Variants in WDPCP observed in about 807,000 individuals in gnomAD.
WDPCP encodes the protein WD repeat-containing and planar cell polarity effector protein fritz homolog.
WDPCP carries 71 observed loss-of-function variants against 93.1 expected under a neutral mutation model. The observed-to-expected ratio is 0.76, with a 90% CI of 0.63 to 0.93. The LOEUF is 0.93. WDPCP is among the 40% of genes least tolerant of loss of function. The pLI is 0.00. For missense variants in WDPCP, 844 were observed against 887.4 expected, an observed-to-expected ratio of 0.95 and a Z score of 0.62; for synonymous variants, 315 against 315.0, an observed-to-expected ratio of 1.00 and a Z score of 0.00.
At chr2:63,216,522 A>T (rs998723888) in intron 14 of WDPCP, among the ~76,000 whole-genome samples, 5 of 152,114 alleles carry the variant, frequency 3.3e-5, no homozygotes, top group African/African-American at 1.2e-4. Context: ...GAACACTTGG[A>T]CACAGGATGG....
At chr2:63,208,135 A>C (rs1428462175) in intron 14 of WDPCP, among the ~76,000 whole-genome samples, 1 of 152,120 alleles carries the variant, frequency 6.6e-6, no homozygotes, top group Admixed American at 6.5e-5. Flanking sequence ...ACTGTATTTA[A>C]GATTATTTTA....
intron 2 of WDPCP, among the ~76,000 whole-genome samples, chr2:63,809,069 C>T (rs1670818449): frequency 1.3e-5 from 2 of 151,628 alleles, no homozygotes; most frequent in African/African-American, 4.9e-5. Flanking sequence ...CTCTGACCGG[C>T]CGCCCCGTCT....
At chr2:63,787,296 G>A (rs893822767) in intron 2 of WDPCP, among the ~76,000 whole-genome samples, 1 of 152,168 alleles carries the variant, frequency 6.6e-6, no homozygotes, top group African/African-American at 2.4e-5. Context: ...CAAGACAAAT[G>A]TTTCTTCTTT....
intron 2 of WDPCP, among the ~76,000 whole-genome samples, chr2:63,729,038 C>T (rs1306618340): frequency 1.3e-5 from 2 of 152,106 alleles, no homozygotes; most frequent in African/African-American, 4.8e-5. Context: ...GGCCACTCCA[C>T]GTTATCCACA....
Position 63,185,398 on chromosome 2 carries a change from CT to C in WDPCP, c.1916-10567del, listed in dbSNP as rs200042254. Among the ~76,000 whole-genome samples, 831 of 151,982 alleles carry C rather than the reference CT, an allele frequency of 5.5e-3. 8 individuals carry two copies. The highest frequency in any genetic ancestry group is 0.019 in the African/African-American group (781 of 41,374). On this transcript the variant is annotated intron_variant, in intron 14 of 17. Transcript: ENST00000272321. ...TTGGGTTTGGACAGGACTTCCCCCC[CT>C]CTCCCCCACCCCCAAATCCTTGAGG... is the stretch of plus-strand genomic sequence containing the variant.
At chr2:63,240,065 A>T (rs1181638798) in intron 14 of WDPCP, among the ~76,000 whole-genome samples, 1 of 152,122 alleles carries the variant, frequency 6.6e-6, no homozygotes, top group Non-Finnish European at 1.5e-5. Flanking sequence ...ACTCTTCTGT[A>T]TCTTTATTTT....
chr2:63,563,796 G>A (rs1357669868), intron 1 of WDPCP, among the ~76,000 whole-genome samples: 2 of 152,104 alleles, frequency 1.3e-5, no homozygotes, highest in Non-Finnish European at 2.9e-5. Context: ...CACACAGCAA[G>A]AAGGACTTCA....
intron 17 of WDPCP, among the ~76,000 whole-genome samples, chr2:63,122,369 T>C (rs1056322009): frequency 2.0e-5 from 3 of 152,166 alleles, no homozygotes; most frequent in African/African-American, 7.2e-5. Flanking sequence ...GGTCATCATT[T>C]GGATTCTACA....
intron 17 of WDPCP, among the ~76,000 whole-genome samples, chr2:63,127,280 C>A (rs988264600): frequency 6.6e-6 from 1 of 151,884 alleles, no homozygotes; most frequent in Non-Finnish European, 1.5e-5. Context: ...AGCCGCCATA[C>A]CCAGCTAATT....
chr2:63,462,809 T>C (rs956253367), intron 6 of WDPCP, among the ~76,000 whole-genome samples: 2 of 152,182 alleles, frequency 1.3e-5, no homozygotes, highest in Non-Finnish European at 2.9e-5. Flanking sequence ...TTCTGGTTTC[T>C]ATAAATGGAT....
rs181643847 is a variant in WDPCP, at chr2:63,126,509, A to G, written c.2191-4453T>C. 1.5e-4 allele frequency among the ~76,000 whole-genome samples: 23 copies of G among 152,280 alleles called. No individual in the cohort carries two copies. The East Asian group carries it at 4.1e-3, about 27-fold the overall frequency. On this transcript the variant is annotated intron_variant, in intron 17 of 17. Coordinates refer to ENST00000272321, the MANE Select transcript of WDPCP (RefSeq NM_015910.7). ...AAAATTAGACTGAGACAGTTTGCTT[A>G]TAATACTGCATTCTTTCTGTTATAC...
intron 6 of WDPCP, among the ~76,000 whole-genome samples, chr2:63,450,675 C>G (rs1698180559): frequency 6.6e-6 from 1 of 152,144 alleles, no homozygotes; most frequent in African/African-American, 2.4e-5. Flanking sequence ...AGCAAAACTT[C>G]ACCATAGCCC....
At chr2:63,530,036 G>A (rs1423473481) in intron 1 of WDPCP, among the ~76,000 whole-genome samples, 4 of 152,040 alleles carry the variant, frequency 2.6e-5, no homozygotes, top group African/African-American at 4.8e-5. Flanking sequence ...CTGTGGGATC[G>A]GTGGTGATAG....
In WDPCP at chr2:63,433,814, C is replaced by A; in HGVS notation, c.756G>T (p.Trp252Cys). Residue 252 changes from tryptophan to cysteine, a missense_variant, in exon 9 of 18, where the codon TGG (tryptophan) becomes TGT (cysteine). By Grantham distance (215) the Trp-to-Cys change is radical. Transcript: ENST00000272321. ...WPLVNDDAWP[W>C]APISSEKDRA... ...TGTCCTTCTCAGAAGAAATGGGGGC[C>A]CAAGGCCAAGCATCATCGTTGACCA... The A allele has an allele frequency of 6.2e-7, 1 of 1,613,704 alleles. No homozygotes were observed. The highest frequency in any genetic ancestry group is 8.5e-7 in the Non-Finnish European group (1 of 1,179,856).
At chr2:63,505,596 G>A (rs1701820958) in intron 1 of WDPCP, among the ~76,000 whole-genome samples, 1 of 151,978 alleles carries the variant, frequency 6.6e-6, no homozygotes, top group Admixed American at 6.6e-5. Flanking sequence ...TTAAGACATA[G>A]AAGAGTAAAT....
intron 1 of WDPCP, among the ~76,000 whole-genome samples, chr2:63,553,070 A>T (rs1438813458): frequency 6.6e-6 from 1 of 152,228 alleles, no homozygotes; most frequent in South Asian, 2.1e-4. Flanking sequence ...CAACAGACTC[A>T]CTGACACTTG....
chr2:63,190,012 A>G (rs1674920542), intron 14 of WDPCP, among the ~76,000 whole-genome samples: 1 of 152,220 alleles, frequency 6.6e-6, no homozygotes, highest in Admixed American at 6.5e-5. Flanking sequence ...TTGTGCAGAT[A>G]TCTTTACTGA....
chr2:63,685,419 T>C (rs1365534375), intron 2 of WDPCP, among the ~76,000 whole-genome samples: 3 of 152,098 alleles, frequency 2.0e-5, no homozygotes, highest in African/African-American at 7.2e-5. Context: ...AATCCAAACC[T>C]GAACAGACCA....
chr2:63,315,508 C>A (rs1686567814), intron 12 of WDPCP, among the ~76,000 whole-genome samples: 2 of 151,714 alleles, frequency 1.3e-5, no homozygotes, highest in African/African-American at 4.8e-5. Context: ...TAAAGATAAT[C>A]AAAAACACAA....
Sources: allele counts gnomAD v4.1 joint callset (sites outside exome capture counted in the v4.1 genomes callset), GRCh38; gene constraint gnomAD v4.1.1; transcripts MANE v1.5; gene names NCBI Gene and HGNC (gene_info 2026-07-23, HGNC 2026-07-21).